Variants in PTCH1 observed in about 807,000 individuals in gnomAD.
The protein encoded by PTCH1 is patched 1, also known as protein patched homolog 1.
PTCH1 carries 14 observed loss-of-function variants against 144.6 expected under a neutral mutation model. The observed-to-expected ratio is 0.10, with a 90% CI of 0.06 to 0.15. The LOEUF (loss-of-function observed/expected upper bound fraction) is 0.15. Among genes scored for constraint, PTCH1 ranks in the 10% least tolerant of loss-of-function variants. PTCH1 has a pLI of 1.00. For synonymous variants in PTCH1, 833 were observed against 793.6 expected, an observed-to-expected ratio of 1.05 and a Z score of -0.83; for missense variants, 1,623 against 1,948.3, an observed-to-expected ratio of 0.83 and a Z score of 3.14.
At chr9:95,477,096 G>A (rs1841105902) in intron 10 of PTCH1, among the ~76,000 whole-genome samples, 1 of 152,230 alleles carries the variant, frequency 6.6e-6, no homozygotes, top group Admixed American at 6.5e-5. Context: ...TAAATGAGAA[G>A]GAATCCAACT....
chr9:95,459,291 C>G (rs1839239411), intron 17 of PTCH1, among the ~76,000 whole-genome samples: 1 of 152,148 alleles, frequency 6.6e-6, no homozygotes, highest in Admixed American at 6.5e-5. Flanking sequence ...AGTAAAATAA[C>G]ACTTAACCTG....
At chr9:95,511,411 G>A (rs1441037896), upstream of PTCH1, among the ~76,000 whole-genome samples, 10 of 152,136 alleles carry the variant, frequency 6.6e-5, no homozygotes. Context: ...CCCCTAACCC[G>A]CAAACCGTAT....
intron 12 of PTCH1, among the ~76,000 whole-genome samples, chr9:95,472,933 G>T (rs981901087): frequency 6.6e-6 from 1 of 152,200 alleles, no homozygotes; most frequent in Non-Finnish European, 1.5e-5. Context: ...GGATGATACT[G>T]CAACTGTGAA....
intron 12 of PTCH1, chr9:95,474,182 AAAG>A (rs1438925442): frequency 4.9e-6 from 2 of 406,102 alleles, no homozygotes; most frequent in African/African-American, 2.1e-5. Flanking sequence ...GAAAAGAAGA[AAAG>A]AAGGAGTATG....
intron 1 of PTCH1, chr9:95,506,885 G>T: frequency 8.7e-7 from 1 of 1,145,178 alleles, no homozygotes; most frequent in East Asian, 4.5e-5. Context: ...CAATACAGAA[G>T]AGGAAGCCGA....
intron 23 of PTCH1, 86 bp from the exon 24 acceptor site, chr9:95,446,477 A>G: frequency 2.0e-6 from 1 of 497,956 alleles, no homozygotes; most frequent in Non-Finnish European, 4.0e-6. Flanking sequence ...GGCAGCAGTA[A>G]CCTTGGTATT....
intron 1 of PTCH1, chr9:95,507,817 AG>A: frequency 1.4e-6 from 1 of 700,544 alleles, no homozygotes; most frequent in Non-Finnish European, 2.0e-6. Context: ...GGCACGGGGC[AG>A]GACAGTGCCG....
chr9:95,482,625 G>A (rs1419409438), intron 3 of PTCH1: 1 of 282,126 alleles, frequency 3.5e-6, no homozygotes, highest in Non-Finnish European at 6.8e-6. Flanking sequence ...TTTACTGGCA[G>A]ATCATGTCCT....
rs745862347 is a variant in PTCH1 at position 95,468,958 on chromosome 9, C to T, written c.2043G>A (p.Pro681=). 2.9e-5 allele frequency: 47 copies of T among 1,614,066 alleles called. No individual in the cohort carries two copies. The South Asian group carries it at 3.7e-4, about 13-fold the overall frequency. The change falls in exon 14 of 24, where the codon CCG becomes CCA. Residue 681 remains proline (P), a synonymous_variant. Coordinates refer to ENST00000331920, the MANE Select transcript of PTCH1 (RefSeq NM_000264.5). The stretch of plus-strand genomic sequence containing the variant: ...CGGGCTGCACAGAGATCTCGGAGCG[C>T]GGCTCAGCGGTGGTGTAGTACACGT... ...HTHVYYTTAE[P]RSEISVQPVT...
chr9:95,508,659 T>G lies in PTCH1; in HGVS notation c.-298A>C. On this transcript the variant is annotated 5_prime_UTR_variant, in exon 1 of 24. Transcript: ENST00000331920. ...TGCGGCCGCCGCTGCCCACATCCAG[T>G]TCGCGGAAGAGCGAGAGCCGGCGCG... The G allele has an allele frequency of 2.0e-6, 2 of 986,778 alleles. No individual in the cohort carries two copies. The highest frequency in any genetic ancestry group is 1.2e-6 in the Non-Finnish European group (1 of 831,332). The allele number at this position is 986,778 out of a possible 1,614,324, so 61.1% of individuals were successfully genotyped here.
chr9:95,449,643 A>C lies in PTCH1; in HGVS notation c.3549+198T>G. The C allele has an allele frequency of 1.5e-6, 1 of 672,996 alleles. No homozygotes were observed. The highest frequency in any genetic ancestry group is 2.6e-6 in the Non-Finnish European group (1 of 387,684). The allele number at this position is 672,996 out of a possible 1,614,324, so 41.7% of individuals were successfully genotyped here. A position where few individuals can be genotyped will look rare whatever the true frequency, so the allele number is the denominator to read the frequency against. ...TAAGACCCAGGCTGCCAATCAGTTGATTTAGAGGAACCAAACCGAACCCGC... is the reference window on the plus strand; with the variant it reads ...TAAGACCCAGGCTGCCAATCAGTTGCTTTAGAGGAACCAAACCGAACCCGC... On this transcript the variant is annotated intron_variant, in intron 21 of 23. Transcript: ENST00000331920. The surrounding 1 kb of genome is among the most constrained non-coding windows in gnomAD (Gnocchi z 5.3).
rs2136631273 is a variant in PTCH1, at chr9:95,453,524, G to A, written c.3403C>T (p.Leu1135=). Residue 1135 remains leucine, a synonymous_variant, in exon 20 of 24, where the codon CTG becomes TTG. Transcript: ENST00000331920. ...PVLDGAVSTL[L]GVLMLAGSEF... ...GATCCCGCCAGCATCAGCACTCCCA[G>A]CAGAGTGGACACGGCGCCATCCAGG... The A allele has an allele frequency of 6.2e-7, 1 of 1,614,152 alleles. No homozygotes were observed. Among genetic ancestry groups the A allele is most frequent in the Admixed American group, 1.7e-5 (1 of 60,032 alleles).
At chr9:95,462,967 T>G (rs1219673770) in intron 15 of PTCH1, among the ~76,000 whole-genome samples, 1 of 152,024 alleles carries the variant, frequency 6.6e-6, no homozygotes, top group Non-Finnish European at 1.5e-5. Flanking sequence ...CGCTGGCTGG[T>G]GCGCACGCTC....
At position 95,481,938 on chromosome 9, in the gene PTCH1, C is replaced by T. The variant is rs774992791; in HGVS notation, c.746+11G>A. On this transcript the variant is annotated intron_variant, in intron 5 of 23. Transcript: ENST00000331920. ...AGTCACAGACATCAGAAAGCATGAT[C>T]ACACACTTACAGGAGGTATGCTGTC... is the stretch of plus-strand genomic sequence containing the variant. The T allele has an allele frequency of 6.3e-7, 1 of 1,594,458 alleles. No homozygotes were observed. The highest frequency in any genetic ancestry group is 1.3e-5 in the African/African-American group (1 of 74,452).
rs1330488748 is a variant in PTCH1 at position 95,476,740 on chromosome 9, T to C, written c.1602+19A>G. The C allele has an allele frequency of 1.2e-6, 2 of 1,605,478 alleles. No homozygotes were observed. The highest frequency in any genetic ancestry group is 1.7e-6 in the Non-Finnish European group (2 of 1,173,226). On this transcript the variant is annotated intron_variant, in intron 11 of 23. Coordinates refer to ENST00000331920, the MANE Select transcript of PTCH1 (RefSeq NM_000264.5). The surrounding 1 kb of genome is among the most constrained non-coding windows in gnomAD (Gnocchi z 4.6). ...AGCTGTGATGTCCCCAAAGCTCTCT[T>C]CTTTTGTTTTTGCATTACCTCAAAA... is the stretch of plus-strand genomic sequence containing the variant.
chr9:95,481,128 T>C (rs768565419), intron 5 of PTCH1, among the ~76,000 whole-genome samples: 7 of 152,228 alleles, frequency 4.6e-5, no homozygotes, highest in Admixed American at 3.3e-4. Flanking sequence ...CACTCACTTT[T>C]GAATCTGTGC....
intron 3 of PTCH1, among the ~76,000 whole-genome samples, chr9:95,485,033 C>T (rs567664664): frequency 6.6e-6 from 1 of 152,174 alleles, no homozygotes; most frequent in Non-Finnish European, 1.5e-5. Context: ...TGGTGAAACC[C>T]CATCTCTACT....
chr9:95,486,523 A>G (rs1841975255), intron 2 of PTCH1, among the ~76,000 whole-genome samples: 1 of 152,250 alleles, frequency 6.6e-6, no homozygotes, highest in African/African-American at 2.4e-5. Flanking sequence ...TCCAGAAAAC[A>G]CAGGTGCCAG....
upstream of PTCH1, among the ~76,000 whole-genome samples, chr9:95,509,604 C>G (rs923264241): frequency 6.6e-6 from 1 of 152,206 alleles, no homozygotes; most frequent in African/African-American, 2.4e-5. Context: ...CGCGCACACA[C>G]GCGCGCGCAC....
Sources: gnomAD v4.1 joint callset for allele counts (sites outside exome capture counted in the v4.1 genomes callset) on GRCh38, gnomAD v4.1.1 for gene constraint, Gnocchi (gnomAD v3.1) non-coding constraint, MANE v1.5 for transcripts, NCBI Gene and HGNC (gene_info 2026-07-23, HGNC 2026-07-21) for gene names.